The following MGAT4C variants were observed in gnomAD, a reference collection of about 807,000 sequenced individuals.
MGAT4C encodes the protein MGAT4 family member C.
MGAT4C carries 19 observed loss-of-function variants against 40.1 expected under a neutral mutation model. The observed-to-expected ratio is 0.47, with a 90% CI of 0.33 to 0.70. MGAT4C has a LOEUF of 0.70. MGAT4C is among the 30% of genes least tolerant of loss of function. MGAT4C has a pLI of 0.02. For missense variants in MGAT4C, 491 were observed against 563.2 expected (o/e 0.87, Z 1.30); for synonymous variants, 181 against 187.1 (o/e 0.97, Z 0.27).
intron 2 of MGAT4C, among the ~76,000 whole-genome samples, chr12:85,993,671 C>A (rs904374479): frequency 6.6e-6 from 1 of 152,120 alleles, no homozygotes; most frequent in Admixed American, 6.5e-5. Flanking sequence ...GCTGTGGGAC[C>A]AGATGGTACT....
intron 2 of MGAT4C, among the ~76,000 whole-genome samples, chr12:86,035,157 A>G (rs1565888931): frequency 6.7e-6 from 1 of 150,078 alleles, no homozygotes; most frequent in Admixed American, 6.7e-5. Flanking sequence ...CGTCTCTTCC[A>G]CAATGGTTGA....
intron 2 of MGAT4C, among the ~76,000 whole-genome samples, chr12:86,599,250 T>C (rs892038426): frequency 2.6e-5 from 4 of 152,108 alleles, no homozygotes; most frequent in African/African-American, 9.7e-5. Context: ...CACAATCTGG[T>C]TGATTAGATT....
At chr12:86,088,172 G>A (rs953196181) in intron 1 of MGAT4C, among the ~76,000 whole-genome samples, 4 of 152,050 alleles carry the variant, frequency 2.6e-5, no homozygotes, top group Admixed American at 2.6e-4. Context: ...CTAGCCACAT[G>A]TAGAAGACTG....
intron 1 of MGAT4C, among the ~76,000 whole-genome samples, chr12:86,236,021 A>G (rs1951526113): frequency 6.6e-6 from 1 of 152,098 alleles, no homozygotes; most frequent in African/African-American, 2.4e-5. Flanking sequence ...GCTGTATACA[A>G]AAATCTGTAT....
intron 2 of MGAT4C, among the ~76,000 whole-genome samples, chr12:86,509,811 C>G (rs966166899): frequency 1.3e-5 from 2 of 152,070 alleles, no homozygotes; most frequent in African/African-American, 4.8e-5. Context: ...GTATTTTATT[C>G]TCTTTGTAGC....
rs757048561 is a variant in MGAT4C, at chr12:86,037,075, G to A, written c.-7+12599C>T. Reference sequence around the variant, plus strand: ...CTTCTAGATTTTCTAGTTTATTTGCGTAGAAGTGTTTATAGTATTTTCTAA... The same window carrying A: ...CTTCTAGATTTTCTAGTTTATTTGCATAGAAGTGTTTATAGTATTTTCTAA... On this transcript the variant is annotated intron_variant, in intron 2 of 4. Transcript: ENST00000611864. Among the ~76,000 whole-genome samples, 24 of 150,102 alleles carry A rather than the reference G, an allele frequency of 1.6e-4. 2 individuals carry two copies. The highest frequency in any genetic ancestry group is 2.5e-4 in the Non-Finnish European group (17 of 66,874).
chr12:86,832,923 A>T (rs1388336239), intron 1 of MGAT4C, among the ~76,000 whole-genome samples: 3 of 132,172 alleles, frequency 2.3e-5, no homozygotes, highest in Non-Finnish European at 5.2e-5. Flanking sequence ...CAACATAAAA[A>T]TGTTATGATT....
At chr12:86,585,729 T>TTTA (rs1960995196) in intron 2 of MGAT4C, among the ~76,000 whole-genome samples, 1 of 149,800 alleles carries the variant, frequency 6.7e-6, no homozygotes. Context: ...TGTTTTATTT[T>TTTA]TTTTAATTTT....
At chr12:86,318,498 C>A (rs1954299781) in intron 4 of MGAT4C, among the ~76,000 whole-genome samples, 1 of 152,176 alleles carries the variant, frequency 6.6e-6, no homozygotes, top group Non-Finnish European at 1.5e-5. Flanking sequence ...GAACAGCCTT[C>A]TTCATACTGA....
intron 4 of MGAT4C, among the ~76,000 whole-genome samples, chr12:86,329,775 T>A (rs910396491): frequency 1.3e-5 from 2 of 152,206 alleles, no homozygotes; most frequent in Non-Finnish European, 2.9e-5. Context: ...TATTTTAAAG[T>A]GTATATTAAA....
At chr12:86,377,442 G>C (rs1470998913) in intron 3 of MGAT4C, among the ~76,000 whole-genome samples, 13 of 152,124 alleles carry the variant, frequency 8.5e-5, no homozygotes, top group Admixed American at 8.5e-4. Flanking sequence ...GTGATAGCAA[G>C]TAGTCTTTAA....
intron 4 of MGAT4C, among the ~76,000 whole-genome samples, chr12:86,282,806 T>C (rs1953253326): frequency 6.6e-6 from 1 of 152,072 alleles, no homozygotes; most frequent in South Asian, 2.1e-4. Context: ...GTAAAGTTTA[T>C]TCTAGGACTA....
chr12:86,420,448 G>T (rs1291894503), intron 3 of MGAT4C, among the ~76,000 whole-genome samples: 1 of 151,926 alleles, frequency 6.6e-6, no homozygotes, highest in African/African-American at 2.4e-5. Flanking sequence ...CTAATGCATA[G>T]GTAGCAAGAC....
chr12:86,499,989 G>T (rs1329977444), intron 2 of MGAT4C, among the ~76,000 whole-genome samples: 1 of 151,742 alleles, frequency 6.6e-6, no homozygotes, highest in East Asian at 1.9e-4. Context: ...TAGAGACAAA[G>T]TAGAAAGCAG....
At chr12:86,243,845 A>G (rs1566210163) in intron 1 of MGAT4C, among the ~76,000 whole-genome samples, 1 of 152,212 alleles carries the variant, frequency 6.6e-6, no homozygotes, top group East Asian at 1.9e-4. Flanking sequence ...CACTGGCCCA[A>G]TGAAACTGCA....
intron 1 of MGAT4C, among the ~76,000 whole-genome samples, chr12:86,059,443 A>C (rs536057791): frequency 6.6e-6 from 1 of 152,126 alleles, no homozygotes; most frequent in Non-Finnish European, 1.5e-5. Flanking sequence ...TTCTCCTCTC[A>C]GAAGAAACCA....
At chr12:86,831,426 T>C (rs1369635687) in intron 1 of MGAT4C, among the ~76,000 whole-genome samples, 1 of 151,730 alleles carries the variant, frequency 6.6e-6, no homozygotes, top group Non-Finnish European at 1.5e-5. Flanking sequence ...ATATTCTTCC[T>C]GTAGACTAAA....
At chr12:86,502,557 C>A (rs1958366959) in intron 2 of MGAT4C, among the ~76,000 whole-genome samples, 1 of 151,130 alleles carries the variant, frequency 6.6e-6, no homozygotes, top group African/African-American at 2.4e-5. Context: ...AAGCATATGA[C>A]ATATTACTAG....
intron 1 of MGAT4C, among the ~76,000 whole-genome samples, chr12:86,748,946 C>CT (rs376881850): frequency 0.056 from 7,932 of 141,454 alleles, 323 homozygotes; most frequent in African/African-American, 0.12. Flanking sequence ...TTCTTTTAAC[C>CT]TTTTTTTTTT....
Sources: allele counts gnomAD v4.1 joint callset (sites outside exome capture counted in the v4.1 genomes callset), GRCh38; gene constraint gnomAD v4.1.1; transcripts MANE v1.5; gene names NCBI Gene and HGNC (gene_info 2026-07-23, HGNC 2026-07-21).